Variants in HNF1B observed in about 807,000 individuals in gnomAD.
HNF1B encodes HNF1 homeobox B.
A neutral mutation model predicts 61.7 loss-of-function variants in HNF1B; 8 were observed. The observed-to-expected ratio is 0.13, with a 90% CI of 0.08 to 0.23. The LOEUF is 0.23. HNF1B is among the 10% of genes least tolerant of loss of function. HNF1B has a pLI of 1.00. For missense variants in HNF1B, 562 were observed against 714.5 expected (o/e 0.79, Z 2.43); for synonymous variants, 314 against 287.7 (o/e 1.09, Z -0.93).
At chr17:37,720,746 G>A (rs775506220) in intron 4 of HNF1B, 15 of 979,530 alleles carry the variant, frequency 1.5e-5, no homozygotes, top group Non-Finnish European at 1.8e-5. Flanking sequence ...CTCAGGCTCA[G>A]ATGTTGGTAC....
intron 4 of HNF1B, among the ~76,000 whole-genome samples, chr17:37,717,237 T>C (rs190854813): frequency 2.3e-3 from 347 of 152,184 alleles, no homozygotes; most frequent in Non-Finnish European, 3.5e-3. Context: ...CCCTTGACAT[T>C]TCAGAGCCAA....
At chr17:37,744,289 C>A (rs1485802900) in intron 1 of HNF1B, among the ~76,000 whole-genome samples, 2 of 152,260 alleles carry the variant, frequency 1.3e-5, no homozygotes, top group Non-Finnish European at 2.9e-5. Flanking sequence ...CCAGCCCCAG[C>A]CCCGCGGGGA....
At chr17:37,697,386 TG>T (rs1198136812) in intron 8 of HNF1B, among the ~76,000 whole-genome samples, 3 of 152,156 alleles carry the variant, frequency 2.0e-5, no homozygotes, top group Non-Finnish European at 4.4e-5. Flanking sequence ...GCTTCAAGGT[TG>T]GCTGGCCACT....
intron 7 of HNF1B, among the ~76,000 whole-genome samples, chr17:37,700,509 A>G (rs1441333684): frequency 6.6e-6 from 1 of 152,210 alleles, no homozygotes; most frequent in Non-Finnish European, 1.5e-5. Context: ...ATTGGAGGAC[A>G]CGGGACTCTA....
chr17:37,701,895 G>T (rs116855514), intron 6 of HNF1B, among the ~76,000 whole-genome samples: 61 of 152,224 alleles, frequency 4.0e-4, no homozygotes, highest in Non-Finnish European at 7.5e-4. Context: ...ATTTATAGTG[G>T]GTCTTCCCAT....
intron 4 of HNF1B, among the ~76,000 whole-genome samples, chr17:37,715,327 C>A (rs2033069571): frequency 1.3e-5 from 2 of 152,100 alleles, no homozygotes; most frequent in Non-Finnish European, 2.9e-5. Context: ...GGAATGAAAC[C>A]CCAGCAGCTT....
intron 2 of HNF1B, among the ~76,000 whole-genome samples, chr17:37,734,734 A>G (rs1221250343): frequency 6.6e-6 from 1 of 152,058 alleles, no homozygotes; most frequent in Non-Finnish European, 1.5e-5. Context: ...CTGAGCAAAG[A>G]CACGTAATAC....
intron 2 of HNF1B, among the ~76,000 whole-genome samples, chr17:37,738,083 A>C (rs2033886907): frequency 6.6e-6 from 1 of 152,214 alleles, no homozygotes; most frequent in Non-Finnish European, 1.5e-5. Context: ...GCAGGGCCCA[A>C]GCGTTGTTGG....
chr17:37,742,447 T>C (rs1417225484), intron 1 of HNF1B, among the ~76,000 whole-genome samples: 1 of 152,180 alleles, frequency 6.6e-6, no homozygotes, highest in East Asian at 1.9e-4. Flanking sequence ...GGGAACACGG[T>C]GGGCAAAAGA....
At chr17:37,693,073 C>A (rs552417731) in intron 8 of HNF1B, among the ~76,000 whole-genome samples, 5 of 151,512 alleles carry the variant, frequency 3.3e-5, no homozygotes, top group Admixed American at 1.3e-4. Context: ...GCCTGTAGTT[C>A]CAGTTACTTG....
chr17:37,699,256 G>A, intron 7 of HNF1B, 62 bp from the exon 8 acceptor site: 1 of 1,253,974 alleles, frequency 8.0e-7, no homozygotes, highest in Non-Finnish European at 1.2e-6. Context: ...CAGGTACAGA[G>A]CCCCCATCCC....
intron 4 of HNF1B, among the ~76,000 whole-genome samples, chr17:37,726,037 ACT>A (rs1043745136): frequency 1.3e-4 from 19 of 151,790 alleles, no homozygotes; most frequent in African/African-American, 4.1e-4. Flanking sequence ...AGAATGGGAG[ACT>A]CTCACCCTTA....
At chr17:37,742,558 G>A (rs1001037841) in intron 1 of HNF1B, among the ~76,000 whole-genome samples, 2 of 152,112 alleles carry the variant, frequency 1.3e-5, no homozygotes, top group African/African-American at 4.8e-5. Flanking sequence ...CGGCGCTCCC[G>A]GGAGCGGGGG....
At chr17:37,740,496 T>C (rs1045893674) in intron 1 of HNF1B, among the ~76,000 whole-genome samples, 3 of 152,254 alleles carry the variant, frequency 2.0e-5, no homozygotes, top group Non-Finnish European at 2.9e-5. Context: ...GTGAAATGTA[T>C]GTGTTCACCT....
At chr17:37,716,618 C>T (rs1024219122) in intron 4 of HNF1B, among the ~76,000 whole-genome samples, 3 of 152,240 alleles carry the variant, frequency 2.0e-5, no homozygotes, top group African/African-American at 4.8e-5. Flanking sequence ...CCTACTGCGC[C>T]TGTGTGTTCA....
intron 5 of HNF1B, among the ~76,000 whole-genome samples, chr17:37,707,684 C>T (rs138640904): frequency 2.2e-4 from 33 of 152,194 alleles, no homozygotes; most frequent in African/African-American, 7.2e-4. Flanking sequence ...AGGCTATCTA[C>T]CGCCACAGCC....
chr17:37,739,772 T>C, intron 1 of HNF1B, 133 bp from the exon 2 acceptor site: 1 of 858,408 alleles, frequency 1.2e-6, no homozygotes. Flanking sequence ...AACTTTGGGG[T>C]AGACATGAGG....
At chr17:37,701,216 G>T in intron 6 of HNF1B, 39 bp from the exon 7 acceptor site, 3 of 1,535,908 alleles carry the variant, frequency 2.0e-6, no homozygotes. Flanking sequence ...ACAGCTCCTG[G>T]GATAAGGAGA....
intron 4 of HNF1B, among the ~76,000 whole-genome samples, chr17:37,712,591 CAAAT>C (rs1344145306): frequency 1.3e-5 from 2 of 152,244 alleles, no homozygotes; most frequent in South Asian, 2.1e-4. Context: ...AGGCAGATTT[CAAAT>C]AAATAACAGG....
Sources: gnomAD v4.1 joint callset for allele counts (sites outside exome capture counted in the v4.1 genomes callset) on GRCh38, gnomAD v4.1.1 for gene constraint, MANE v1.5 for transcripts, NCBI Gene and HGNC (gene_info 2026-07-23, HGNC 2026-07-21) for gene names.